Variants in EDRF1 observed in about 807,000 individuals in gnomAD.
EDRF1 encodes erythroid differentiation regulatory factor 1.
EDRF1 carries 69 observed loss-of-function variants against 148.7 expected under a neutral mutation model. That is an observed-to-expected ratio of 0.46 (90% CI 0.38 to 0.57). The LOEUF (loss-of-function observed/expected upper bound fraction) is 0.57. EDRF1 is among the 20% of genes least tolerant of loss of function. The pLI, the probability that EDRF1 is intolerant of heterozygous loss-of-function variation, is 0.00. For synonymous variants in EDRF1, 515 were observed against 532.8 expected (o/e 0.97, Z 0.46); for missense variants, 1,118 against 1,478.7 (o/e 0.76, Z 4.00).
intron 24 of EDRF1, chr10:125,761,392 G>C (rs1214029895): frequency 9.8e-6 from 2 of 204,414 alleles, no homozygotes; most frequent in African/African-American, 4.7e-5. Context: ...ACAGATCCAG[G>C]CCTCTTAACA....
chr10:125,745,533 G>A (rs891382624), intron 18 of EDRF1, 174 bp from the exon 19 acceptor site: 2 of 666,570 alleles, frequency 3.0e-6, no homozygotes, highest in Middle Eastern at 4.0e-4. Flanking sequence ...ATATGGACAC[G>A]TTTACCTTCA....
At position 125,719,818 on chromosome 10, in the gene EDRF1, C is replaced by A. The variant is rs770352516; in HGVS notation, c.11C>A (p.Ala4Asp). The change falls in exon 1 of 25, where the codon GCC becomes GAC. Residue 4 changes from alanine (A) to aspartate (D), a missense_variant. This residue lies in a region of EDRF1 where 65 missense variants were observed against 50.3 expected (regional missense o/e 1.29). Coordinates refer to ENST00000356792, the MANE Select transcript of EDRF1 (RefSeq NM_001202438.2). MGD[A>D]KEAGAEGPPA... The stretch of plus-strand genomic sequence containing the variant: ...CCCTGGATCGAAGTGATGGGGGATG[C>A]CAAGGAGGCCGGAGCCGAGGGTCCG... 5 of 1,610,694 alleles carry A rather than the reference C, an allele frequency of 3.1e-6. No homozygotes were observed. Among genetic ancestry groups the A allele is most frequent in the Non-Finnish European group, 3.4e-6 (4 of 1,178,794 alleles).
At chr10:125,741,302 G>T in intron 17 of EDRF1, 101 bp downstream of exon 17, 1 of 1,071,844 alleles carries the variant, frequency 9.3e-7, no homozygotes, top group Non-Finnish European at 1.4e-6. Context: ...TTAGAGTTTT[G>T]ATATTTGCTC....
At chr10:125,719,990 G>T (rs979453074) in intron 1 of EDRF1, 75 bp downstream of exon 1, 13 of 1,382,196 alleles carry the variant, frequency 9.4e-6, no homozygotes, top group Middle Eastern at 3.6e-4. Flanking sequence ...GGGATGCCAC[G>T]GTTCCCGGCA....
intron 4 of EDRF1, among the ~76,000 whole-genome samples, 190 bp from the exon 5 acceptor site, chr10:125,725,128 C>T (rs140267079): frequency 2.5e-4 from 38 of 152,212 alleles, no homozygotes; most frequent in African/African-American, 8.4e-4. Flanking sequence ...AGGAGGAAGA[C>T]GGGTTTCCTT....
rs754614853 is a variant in EDRF1 at position 125,740,641 on chromosome 10, G to A, written c.2160G>A (p.Leu720=). The change falls in exon 16 of 25, where the codon TTG becomes TTA. Residue 720 remains leucine (L), a synonymous_variant. Transcript: ENST00000356792. Reference sequence around the variant, plus strand: ...CATTACGATACATTAAATTAGCTTTGCAAAGCCATGGTAAGCCACTATAAA... The same window carrying A: ...CATTACGATACATTAAATTAGCTTTACAAAGCCATGGTAAGCCACTATAAA... ...GRALRYIKLA[L]QSHDTYCCLC... 1 of 1,613,432 alleles carries A rather than the reference G, an allele frequency of 6.2e-7. No homozygotes were observed. Among genetic ancestry groups the A allele is most frequent in the Admixed American group, 1.7e-5 (1 of 60,014 alleles).
At chr10:125,737,820 TG>T (rs1848816672) in intron 13 of EDRF1, 97 bp from the exon 14 acceptor site, 1 of 1,184,468 alleles carries the variant, frequency 8.4e-7, no homozygotes, top group African/African-American at 1.5e-5. Context: ...GCAAGATTTT[TG>T]TTGATAATGC....
chr10:125,725,922 A>C, intron 6 of EDRF1, 84 bp downstream of exon 6: 1 of 1,407,748 alleles, frequency 7.1e-7, no homozygotes, highest in Non-Finnish European at 9.8e-7. Context: ...AAAAAAGATG[A>C]ACAGGACTAA....
intron 24 of EDRF1, 70 bp downstream of exon 24, chr10:125,753,915 A>T (rs1208628160): frequency 6.5e-7 from 1 of 1,547,826 alleles, no homozygotes; most frequent in Non-Finnish European, 8.9e-7. Context: ...CTCTACTAAC[A>T]TCATAAAGAA....
chr10:125,722,578 C>T (rs1394745394), intron 2 of EDRF1, among the ~76,000 whole-genome samples: 1 of 151,904 alleles, frequency 6.6e-6, no homozygotes, highest in African/African-American at 2.4e-5. Context: ...TTTTAATTTC[C>T]TTTTGTGGCT....
Position 125,729,496 on chromosome 10 carries a change from C to T in EDRF1, c.1016+17C>T, listed in dbSNP as rs1848404423. ...ACGTCTCAGGTGAACTAACATCATA[C>T]CCCTCCTCAAGCTTATGGTATTTAA... On this transcript the variant is annotated intron_variant, in intron 8 of 24. Coordinates refer to ENST00000356792, the MANE Select transcript of EDRF1 (RefSeq NM_001202438.2). 6.2e-7 allele frequency: 1 copy of T among 1,614,018 alleles called. No individual in the cohort carries two copies. Among genetic ancestry groups the T allele is most frequent in the Non-Finnish European group, 8.5e-7 (1 of 1,179,908 alleles).
Position 125,763,166 on chromosome 10 carries a change from A to G in EDRF1, c.3546-135A>G, listed in dbSNP as rs1850263211. ...AATATGTAAAAGAAGGCAGGTCTGA[A>G]CCCGGCAGGAGAGGAATGCCTGCTG... On this transcript the variant is annotated intron_variant, in intron 24 of 24. Coordinates refer to ENST00000356792, the MANE Select transcript of EDRF1 (RefSeq NM_001202438.2). This position sits in a 1 kb window ranked among gnomAD's most constrained non-coding sequence, Gnocchi z 4.3. The G allele has an allele frequency of 1.2e-6, 1 of 850,584 alleles. No homozygotes were observed. The highest frequency in any genetic ancestry group is 1.7e-5 in the African/African-American group (1 of 59,848). The allele number at this position is 850,584 out of a possible 1,614,324, so 52.7% of individuals were successfully genotyped here.
At position 125,723,086 on chromosome 10, in the gene EDRF1, C is replaced by T. The variant is rs764553488; in HGVS notation, c.336C>T (p.Asp112=). The T allele has an allele frequency of 6.8e-6, 11 of 1,613,592 alleles. No homozygotes were observed. The highest frequency in any genetic ancestry group is 9.3e-6 in the Non-Finnish European group (11 of 1,179,764). ...TTGGTAGCTTTGGCATGGCATATGA[C>T]TTTATTGATTCAGTGGGAAATGATG... is the stretch of plus-strand genomic sequence containing the variant. The part of the protein sequence containing the change: ...KPFSSFGMAY[D]FIDSVGNDVD... The change falls in exon 3 of 25, where the codon GAC becomes GAT. Residue 112 remains aspartate, a synonymous_variant. Transcript: ENST00000356792.
At chr10:125,732,422 A>T (rs1848519194) in intron 9 of EDRF1, among the ~76,000 whole-genome samples, 2 of 152,192 alleles carry the variant, frequency 1.3e-5, no homozygotes, top group Admixed American at 6.5e-5. Flanking sequence ...AGGAAAGTAT[A>T]AAAATGTCTA....
chr10:125,753,941 C>G (rs1849764938), intron 24 of EDRF1, 96 bp downstream of exon 24: 31 of 1,309,912 alleles, frequency 2.4e-5, no homozygotes, highest in Non-Finnish European at 3.4e-5. Context: ...AGGGGCCAGG[C>G]ACATTGGCTC....
In EDRF1 at chr10:125,723,002, A is replaced by G. The variant is rs1336221854; in HGVS notation, c.318-66A>G. ...AGAAGCAATGAGCTACAGTATTGTTATTAAGCTCTACTTGCATGATTATGA... is the reference window on the plus strand; with the variant it reads ...AGAAGCAATGAGCTACAGTATTGTTGTTAAGCTCTACTTGCATGATTATGA... On this transcript the variant is annotated intron_variant, in intron 2 of 24. Transcript: ENST00000356792. 8.8e-6 allele frequency: 11 copies of G among 1,253,718 alleles called. No homozygotes were observed. The Admixed American group carries it at 1.3e-4, about 15-fold the overall frequency. 77.7% of individuals were successfully genotyped at this position (1,253,718 alleles called of 1,614,324 possible).
intron 2 of EDRF1, 41 bp downstream of exon 2, chr10:125,721,453 C>G: frequency 6.4e-7 from 1 of 1,571,474 alleles, no homozygotes; most frequent in Non-Finnish European, 8.7e-7. Flanking sequence ...CCCCTCCACC[C>G]TCACTTAAAA....
At position 125,749,469 on chromosome 10, in the gene EDRF1, A is replaced by G; in HGVS notation, c.3181A>G (p.Lys1061Glu). 6.2e-7 allele frequency: 1 copy of G among 1,614,186 alleles called. No individual in the cohort carries two copies. Among genetic ancestry groups the G allele is most frequent in the Non-Finnish European group, 8.5e-7 (1 of 1,180,024 alleles). The change falls in exon 22 of 25, where the codon AAG (lysine) becomes GAG (glutamate). Residue 1061 changes from lysine (K) to glutamate (E), a missense_variant. By Grantham distance (56) the Lys-to-Glu change is moderately conservative. Coordinates refer to ENST00000356792, the MANE Select transcript of EDRF1 (RefSeq NM_001202438.2). ...HRVLADLHYS[K>E]AAKLFQLLKD... is the part of the protein sequence containing the mutation. ...GGTGCTGGCAGATCTTCATTACAGCAAGGCCGCAAAGCTGTTTCAGCTGCT... is the reference window on the plus strand; with the variant it reads ...GGTGCTGGCAGATCTTCATTACAGCGAGGCCGCAAAGCTGTTTCAGCTGCT...
Position 125,724,554 on chromosome 10 carries a change from G to A in EDRF1, c.510+618G>A, listed in dbSNP as rs748801234. 2.6e-5 allele frequency among the ~76,000 whole-genome samples: 4 copies of A among 152,262 alleles called. No individual in the cohort carries two copies. The East Asian group carries it at 5.8e-4, about 22-fold the overall frequency. ...CAGGTTTCTATAAGTAACACTCTGCGATGTTCACACCAGGACAAAATCACC... is the reference window on the plus strand; with the variant it reads ...CAGGTTTCTATAAGTAACACTCTGCAATGTTCACACCAGGACAAAATCACC... On this transcript the variant is annotated intron_variant, in intron 4 of 24. Transcript: ENST00000356792.
Sources: allele counts gnomAD v4.1 joint callset (sites outside exome capture counted in the v4.1 genomes callset), GRCh38; gene constraint gnomAD v4.1.1; regional missense constraint gnomAD v4.1.1; non-coding constraint Gnocchi (gnomAD v3.1); transcripts MANE v1.5; gene names NCBI Gene and HGNC (gene_info 2026-07-23, HGNC 2026-07-21).